Variants in PCDHGB5 observed in about 807,000 individuals in gnomAD.
The protein encoded by PCDHGB5 is protocadherin gamma subfamily B, 5.
PCDHGB5 carries 48 observed loss-of-function variants against 62.9 expected under a neutral mutation model. The observed-to-expected ratio is 0.76, with a 90% CI of 0.61 to 0.97. The LOEUF (loss-of-function observed/expected upper bound fraction) is 0.97, where lower values mean the gene tolerates loss of function less well. Among genes scored for constraint, PCDHGB5 ranks in the 50% least tolerant of loss-of-function variants. PCDHGB5 has a pLI of 0.00. For synonymous variants in PCDHGB5, 474 were observed against 511.2 expected, an observed-to-expected ratio of 0.93 and a Z score of 0.98; for missense variants, 1,118 against 1,198.6, an observed-to-expected ratio of 0.93 and a Z score of 0.99.
intron 1 of PCDHGB5, among the ~76,000 whole-genome samples, chr5:141,449,281 G>A (rs1051064124): frequency 6.6e-6 from 1 of 151,946 alleles, no homozygotes; most frequent in Non-Finnish European, 1.5e-5. Context: ...TCCTTCACCC[G>A]GATGCACCGG....
At chr5:141,429,814 T>C (rs554065871) in intron 1 of PCDHGB5, among the ~76,000 whole-genome samples, 3 of 152,322 alleles carry the variant, frequency 2.0e-5, no homozygotes, top group African/African-American at 7.2e-5. Flanking sequence ...TAATTACAAT[T>C]AGGTCAGTTA....
At chr5:141,500,436 C>G (rs1318326111) in intron 2 of PCDHGB5, among the ~76,000 whole-genome samples, 2 of 151,836 alleles carry the variant, frequency 1.3e-5, no homozygotes, top group African/African-American at 2.4e-5. Flanking sequence ...GTCTCGATCT[C>G]CTGACCTCGT....
rs199936765 is a variant in PCDHGB5 at position 141,408,488 on chromosome 5, T to G, written c.2397+7964T>G. Reference sequence around the variant, plus strand: ...GAACCGAATAGACCGTGAGCAAATATGCAAAGAGAGAAGAAGATGTGAGTT... The same window carrying G: ...GAACCGAATAGACCGTGAGCAAATAGGCAAAGAGAGAAGAAGATGTGAGTT... On this transcript the variant is annotated intron_variant, in intron 1 of 3. Transcript: ENST00000617380. 8.1e-5 allele frequency: 130 copies of G among 1,614,012 alleles called. No individual in the cohort carries two copies. The Middle Eastern group carries it at 1.8e-3, about 23-fold the overall frequency.
intron 1 of PCDHGB5, chr5:141,423,165 C>G: frequency 6.2e-7 from 1 of 1,613,434 alleles, no homozygotes; most frequent in Non-Finnish European, 8.5e-7. Context: ...TCGTGGTGGC[C>G]GTCCAGGACC....
intron 2 of PCDHGB5, among the ~76,000 whole-genome samples, chr5:141,500,184 T>TTTTTTTTATTTATTTA (rs1554186429): frequency 7.4e-6 from 1 of 135,886 alleles, no homozygotes; most frequent in African/African-American, 2.7e-5. Flanking sequence ...TCATTTTTAT[T>TTTTTTTTATTTATTTA]TTTATTTATT....
At chr5:141,403,300 G>C (rs1469024873) in intron 1 of PCDHGB5, 4 of 1,613,892 alleles carry the variant, frequency 2.5e-6, no homozygotes, top group Non-Finnish European at 3.4e-6. Context: ...GAGTGAAACT[G>C]TACGGAATAG....
chr5:141,417,704 A>G, intron 1 of PCDHGB5: 2 of 1,207,460 alleles, frequency 1.7e-6, no homozygotes, highest in Non-Finnish European at 1.1e-6. Context: ...GCTCCCACAC[A>G]GAGGCTCCCG....
chr5:141,434,106 T>C (rs1195019110), intron 1 of PCDHGB5, among the ~76,000 whole-genome samples: 1 of 152,236 alleles, frequency 6.6e-6, no homozygotes, highest in Non-Finnish European at 1.5e-5. Context: ...TGTCCCAGGA[T>C]TGGCCTTTGG....
At chr5:141,475,046 T>C (rs1430484084) in intron 1 of PCDHGB5, among the ~76,000 whole-genome samples, 1 of 152,274 alleles carries the variant, frequency 6.6e-6, no homozygotes, top group African/African-American at 2.4e-5. Context: ...CTTTGTATTT[T>C]CTAAAGATTT....
chr5:141,507,872 C>T (rs2099864458), intron 3 of PCDHGB5, among the ~76,000 whole-genome samples: 1 of 152,168 alleles, frequency 6.6e-6, no homozygotes, highest in African/African-American at 2.4e-5. Flanking sequence ...GCTTCCTAGC[C>T]CTGAAACCAG....
intron 1 of PCDHGB5, among the ~76,000 whole-genome samples, chr5:141,483,201 C>A (rs2099578254): frequency 6.6e-6 from 1 of 152,108 alleles, no homozygotes; most frequent in Non-Finnish European, 1.5e-5. Context: ...TTATTTTATT[C>A]CATATAGATG....
intron 1 of PCDHGB5, among the ~76,000 whole-genome samples, chr5:141,456,073 A>G (rs1490650582): frequency 2.6e-5 from 4 of 151,252 alleles, no homozygotes; most frequent in Non-Finnish European, 5.9e-5. Flanking sequence ...AATTTTTTGT[A>G]TTTTCAGTAG....
rs543116266 is a variant in PCDHGB5 at position 141,474,428 on chromosome 5, C to A, written c.2398-20379C>A. 3.9e-5 allele frequency among the ~76,000 whole-genome samples: 6 copies of A among 152,346 alleles called. 1 individual carries two copies. In the South Asian group the frequency reaches 1.0e-3, roughly 26 times the overall value. On this transcript the variant is annotated intron_variant, in intron 1 of 3. Coordinates refer to ENST00000617380, the MANE Select transcript of PCDHGB5 (RefSeq NM_018925.3). ...CGGTGATGCCTAGACCATTGGTCCT[C>A]ACACTTTGAGTAGCAAGTGATTGGG...
In PCDHGB5 at chr5:141,410,786, TTCA is replaced by T. The variant is rs1001093749; in HGVS notation, c.2397+10264_2397+10266del. ...ATTATAGTTTTCACTATGTATTTGG[TTCA>T]TAAGTTGCTCTATCTTTTTGTAAAA... On this transcript the variant is annotated intron_variant, in intron 1 of 3. Transcript: ENST00000617380. 39 of 852,378 alleles carry T rather than the reference TTCA, an allele frequency of 4.6e-5. No homozygotes were observed. In the African/African-American group the frequency reaches 6.2e-4, roughly 13 times the overall value. 52.8% of individuals were successfully genotyped at this position (852,378 alleles called of 1,614,324 possible). A position where few individuals can be genotyped will look rare whatever the true frequency, so the allele number is the denominator to read the frequency against.
intron 1 of PCDHGB5, chr5:141,423,720 A>T: frequency 3.1e-6 from 3 of 957,770 alleles, no homozygotes; most frequent in Admixed American, 5.5e-5. Context: ...TTTTAAGGAG[A>T]TGTTTTTTGA....
At position 141,476,668 on chromosome 5, in the gene PCDHGB5, G is replaced by A; in HGVS notation, c.2398-18139G>A. The A allele has an allele frequency of 6.2e-7, 1 of 1,614,262 alleles. No individual in the cohort carries two copies. Among genetic ancestry groups the A allele is most frequent in the Non-Finnish European group, 8.5e-7 (1 of 1,180,054 alleles). On this transcript the variant is annotated intron_variant, in intron 1 of 3. Transcript: ENST00000617380. This position sits in a 1 kb window ranked among gnomAD's most constrained non-coding sequence, Gnocchi z 7.6. ...GAAATGAATACTTTGCGCTTCGCGT[G>A]CAGACGCGGGAGGACAGCACCAAGT...
At position 141,399,586 on chromosome 5, in the gene PCDHGB5, A is replaced by G. The variant is rs751097540; in HGVS notation, c.1459A>G (p.Ile487Val). The G allele has an allele frequency of 6.2e-6, 10 of 1,613,830 alleles. No individual in the cohort carries two copies. The East Asian group carries it at 1.3e-4, about 22-fold the overall frequency. Reference sequence around the variant, plus strand: ...GTTGAACGGCCAAGTCTCCTACTCTATCATGGCCAGCGACCTAGAGCCTCT... The same window carrying G: ...GTTGAACGGCCAAGTCTCCTACTCTGTCATGGCCAGCGACCTAGAGCCTCT... ...LGLNGQVSYS[I>V]MASDLEPLAL... Residue 487 changes from isoleucine to valine, a missense_variant, in exon 1 of 4, where the codon ATC becomes GTC. Coordinates refer to ENST00000617380, the MANE Select transcript of PCDHGB5 (RefSeq NM_018925.3).
Position 141,489,629 on chromosome 5 carries a change from C to G in PCDHGB5, c.2398-5178C>G. 6.2e-7 allele frequency: 1 copy of G among 1,614,142 alleles called. No individual in the cohort carries two copies. The highest frequency in any genetic ancestry group is 8.5e-7 in the Non-Finnish European group (1 of 1,180,014). On this transcript the variant is annotated intron_variant, in intron 1 of 3. Coordinates refer to ENST00000617380, the MANE Select transcript of PCDHGB5 (RefSeq NM_018925.3). The surrounding 1 kb of genome is among the most constrained non-coding windows in gnomAD (Gnocchi z 4.5). Reference sequence around the variant, plus strand: ...GAGATCCTGGATCTCAATGACAACTCTCCTAGCTTTGCCACCCCTGAGCGA... The same window carrying G: ...GAGATCCTGGATCTCAATGACAACTGTCCTAGCTTTGCCACCCCTGAGCGA...
intron 1 of PCDHGB5, among the ~76,000 whole-genome samples, chr5:141,435,946 A>C (rs953432473): frequency 6.6e-6 from 1 of 152,174 alleles, no homozygotes; most frequent in Non-Finnish European, 1.5e-5. Flanking sequence ...CTGAGACCAA[A>C]AAAGGGGGCA....
Sources: gnomAD v4.1 joint callset for allele counts (sites outside exome capture counted in the v4.1 genomes callset) on GRCh38, gnomAD v4.1.1 for gene constraint, Gnocchi (gnomAD v3.1) non-coding constraint, MANE v1.5 for transcripts, NCBI Gene and HGNC (gene_info 2026-07-23, HGNC 2026-07-21) for gene names.